The following SPHKAP variants were observed in gnomAD, a reference collection of about 807,000 sequenced individuals.
SPHKAP encodes A-kinase anchor protein SPHKAP.
Under a neutral mutation model 137.5 loss-of-function variants are expected in SPHKAP, and 67 were observed. That is an observed-to-expected ratio of 0.49 (90% CI 0.40 to 0.60). SPHKAP has a LOEUF of 0.60. SPHKAP is among the 20% of genes least tolerant of loss of function. The pLI, the probability that SPHKAP is intolerant of heterozygous loss-of-function variation, is 0.00. For missense variants in SPHKAP, 2,097 were observed against 2,069.3 expected, an observed-to-expected ratio of 1.01 and a Z score of -0.26; for synonymous variants, 813 against 785.3, an observed-to-expected ratio of 1.04 and a Z score of -0.59.
chr2:228,079,307 G>A (rs115746798), intron 3 of SPHKAP, among the ~76,000 whole-genome samples: 1,782 of 152,312 alleles, frequency 0.012, 27 homozygotes, highest in African/African-American at 0.039. Flanking sequence ...TTGCTTGCCT[G>A]CCACTCACCT....
At chr2:228,030,513 C>CAAAAAAAAAAAAAAAAAACAAAAAA (rs1695251952) in intron 3 of SPHKAP, among the ~76,000 whole-genome samples, 2 of 48,774 alleles carry the variant, frequency 4.1e-5, no homozygotes, top group Admixed American at 2.6e-4. Context: ...GATACCATCT[C>CAAAAAAAAAAAAAAAAAACAAAAAA]AAAAAAAAAA....
At chr2:228,140,105 C>T (rs780367138) in intron 1 of SPHKAP, among the ~76,000 whole-genome samples, 30 of 151,494 alleles carry the variant, frequency 2.0e-4, no homozygotes, top group Non-Finnish European at 4.0e-4. Flanking sequence ...CCACCATGCC[C>T]GGCTAATTTT....
At chr2:228,113,262 A>C (rs1162385348) in intron 2 of SPHKAP, among the ~76,000 whole-genome samples, 1 of 152,176 alleles carries the variant, frequency 6.6e-6, no homozygotes, top group Non-Finnish European at 1.5e-5. Context: ...TTGACCAAAT[A>C]GTAGTACATT....
intron 3 of SPHKAP, among the ~76,000 whole-genome samples, chr2:228,040,398 TG>T (rs1287127288): frequency 1.3e-5 from 2 of 152,218 alleles, no homozygotes; most frequent in African/African-American, 4.8e-5. Flanking sequence ...TGCCTAGTAC[TG>T]TAGGCAATTT....
chr2:228,001,987 G>T (rs1241467071), intron 7 of SPHKAP, among the ~76,000 whole-genome samples: 5 of 152,128 alleles, frequency 3.3e-5, no homozygotes, highest in African/African-American at 1.2e-4. Context: ...TATTTGGATT[G>T]GTTCCAAGTC....
intron 1 of SPHKAP, among the ~76,000 whole-genome samples, chr2:228,150,986 G>A (rs1281831283): frequency 6.6e-6 from 1 of 151,760 alleles, no homozygotes; most frequent in Non-Finnish European, 1.5e-5. Context: ...ACAATGTGCA[G>A]GTTAGTTTCA....
Position 228,016,164 on chromosome 2 carries a change from ATT to A in SPHKAP, c.4448+240_4448+241del, listed in dbSNP as rs113826244. On this transcript the variant is annotated intron_variant, in intron 7 of 11. Transcript: ENST00000392056. ...TAAATGCATATTAACCTAGGAGATC[ATT>A]TTTTTTTTATTACACTTTAAATTTT... Among the ~76,000 whole-genome samples the A allele has an allele frequency of 4.1e-3, 603 of 148,452 alleles. 4 individuals carry two copies. Among genetic ancestry groups the A allele is most frequent in the African/African-American group, 0.014 (564 of 40,622 alleles).
intron 1 of SPHKAP, among the ~76,000 whole-genome samples, chr2:228,143,085 A>T (rs1010936921): frequency 6.6e-6 from 1 of 152,164 alleles, no homozygotes; most frequent in Non-Finnish European, 1.5e-5. Context: ...AACATTAGAA[A>T]TACATTCACC....
chr2:228,119,815 A>G (rs1273074438), intron 2 of SPHKAP, among the ~76,000 whole-genome samples: 1 of 152,090 alleles, frequency 6.6e-6, no homozygotes, highest in Non-Finnish European at 1.5e-5. Context: ...TTTTTCTCTT[A>G]ATGATGATTT....
chr2:228,039,668 A>G (rs1054030598), intron 3 of SPHKAP, among the ~76,000 whole-genome samples: 1 of 152,218 alleles, frequency 6.6e-6, no homozygotes. Flanking sequence ...TTTTAAGTGA[A>G]TTGTAATTCA....
At chr2:228,126,821 T>A (rs1699088720) in intron 2 of SPHKAP, among the ~76,000 whole-genome samples, 1 of 152,150 alleles carries the variant, frequency 6.6e-6, no homozygotes, top group Non-Finnish European at 1.5e-5. Flanking sequence ...ATTTCTCCAA[T>A]ACTGCAGAGG....
At chr2:227,995,048 G>A (rs1194657349) in intron 8 of SPHKAP, among the ~76,000 whole-genome samples, 1 of 152,106 alleles carries the variant, frequency 6.6e-6, no homozygotes, top group Non-Finnish European at 1.5e-5. Flanking sequence ...CTAGCTTTTT[G>A]GGAGGAACAA....
intron 3 of SPHKAP, among the ~76,000 whole-genome samples, chr2:228,097,220 T>G (rs2106334034): frequency 6.6e-6 from 1 of 152,298 alleles, no homozygotes; most frequent in South Asian, 2.1e-4. Flanking sequence ...TGTATAAAAT[T>G]TGAAACTTGA....
intron 7 of SPHKAP, among the ~76,000 whole-genome samples, chr2:228,002,678 T>A (rs1477554045): frequency 6.6e-6 from 1 of 152,230 alleles, no homozygotes; most frequent in East Asian, 1.9e-4. Flanking sequence ...CTAGGTTTTC[T>A]TCTAGGGTTT....
At chr2:228,165,948 T>C (rs190288895) in intron 1 of SPHKAP, among the ~76,000 whole-genome samples, 109 of 152,316 alleles carry the variant, frequency 7.2e-4, no homozygotes, top group Non-Finnish European at 1.1e-3. Context: ...TGGCAAACTT[T>C]GAGGAAGATG....
At chr2:228,138,093 T>C (rs1487807863) in intron 1 of SPHKAP, among the ~76,000 whole-genome samples, 1 of 152,196 alleles carries the variant, frequency 6.6e-6, no homozygotes, top group African/African-American at 2.4e-5. Context: ...AGAATCCTGC[T>C]CAGTCAGTTT....
At chr2:228,099,939 T>C (rs1698136773) in intron 3 of SPHKAP, among the ~76,000 whole-genome samples, 1 of 152,020 alleles carries the variant, frequency 6.6e-6, no homozygotes, top group South Asian at 2.1e-4. Context: ...AAGCTCCGCC[T>C]CCTGGGTTCA....
intron 1 of SPHKAP, among the ~76,000 whole-genome samples, chr2:228,134,920 C>A (rs1183179743): frequency 6.6e-6 from 1 of 152,144 alleles, no homozygotes; most frequent in African/African-American, 2.4e-5. Flanking sequence ...AATGGGCAAA[C>A]TGAGAAGAAA....
Position 228,017,854 on chromosome 2 carries a change from G to GAGCCGGGGAGGCTTGTGTTTCCTC in SPHKAP, c.2976_2999dup (p.Arg993_Leu1000dup). 6.2e-7 allele frequency: 1 copy of GAGCCGGGGAGGCTTGTGTTTCCTC among 1,613,990 alleles called. No individual in the cohort carries two copies. The highest frequency in any genetic ancestry group is 8.5e-7 in the Non-Finnish European group (1 of 1,179,998). ...CGTCCGTCTTCCTCTTGATCTCACT[G>GAGCCGGGGAGGCTTGTGTTTCCTC]AGCCGGGGAGGCTTGTGTTTCCTCA... is the stretch of plus-strand genomic sequence containing the variant. On this transcript the variant is annotated inframe_insertion, in exon 7 of 12. Coordinates refer to ENST00000392056, the MANE Select transcript of SPHKAP (RefSeq NM_001142644.2).
Sources: gnomAD v4.1 joint callset for allele counts (sites outside exome capture counted in the v4.1 genomes callset) on GRCh38, gnomAD v4.1.1 for gene constraint, MANE v1.5 for transcripts, NCBI Gene and HGNC (gene_info 2026-07-23, HGNC 2026-07-21) for gene names.